PRKCQ: variants seen among roughly 807,000 people sequenced by gnomAD.
PRKCQ encodes the protein protein kinase C theta.
Under a neutral mutation model 91.2 loss-of-function variants are expected in PRKCQ, and 41 were observed. The ratio of observed to expected loss-of-function variants is 0.45; its 90% CI spans 0.35 to 0.58. The LOEUF (loss-of-function observed/expected upper bound fraction) is 0.58. Among genes scored for constraint, PRKCQ ranks in the 20% least tolerant of loss-of-function variants. PRKCQ has a pLI of 0.00. For synonymous variants in PRKCQ, 307 were observed against 316.9 expected, an observed-to-expected ratio of 0.97 and a Z score of 0.33; for missense variants, 673 against 896.5, an observed-to-expected ratio of 0.75 and a Z score of 3.18.
At chr10:6,484,188 C>T (rs556023518) in intron 10 of PRKCQ, among the ~76,000 whole-genome samples, 1 of 152,290 alleles carries the variant, frequency 6.6e-6, no homozygotes, top group Admixed American at 6.5e-5. Flanking sequence ...CCGAGGTGGG[C>T]GGATTGCCTG....
chr10:6,487,252 T>C (rs1269360660), intron 8 of PRKCQ, among the ~76,000 whole-genome samples: 2 of 152,226 alleles, frequency 1.3e-5, no homozygotes, highest in Non-Finnish European at 2.9e-5. Flanking sequence ...CATGAACTGA[T>C]GGCGTAAATT....
At chr10:6,460,238 T>A (rs1835246858) in intron 14 of PRKCQ, among the ~76,000 whole-genome samples, 1 of 151,692 alleles carries the variant, frequency 6.6e-6, no homozygotes, top group African/African-American at 2.4e-5. Flanking sequence ...ATGGGCAGGG[T>A]AAGACTCGAA....
At chr10:6,495,884 C>A (rs1398106359) in intron 7 of PRKCQ, among the ~76,000 whole-genome samples, 2 of 152,016 alleles carry the variant, frequency 1.3e-5, no homozygotes, top group African/African-American at 4.8e-5. Flanking sequence ...CACTAGAAGC[C>A]CAGACTTCCC....
At chr10:6,421,346 ATGG>A in the PRKCQ span, among the ~76,000 whole-genome samples, 24 of 152,166 alleles carry the variant, frequency 1.6e-4, no homozygotes, top group Non-Finnish European at 2.9e-4. The surrounding 1 kb of genome is among the most constrained non-coding windows in gnomAD (Gnocchi z 4.1). Flanking sequence ...TTAATCAGGC[ATGG>A]TGGTGCACAT....
At chr10:6,546,098 G>A (rs1438870139) in intron 1 of PRKCQ, among the ~76,000 whole-genome samples, 1 of 152,184 alleles carries the variant, frequency 6.6e-6, no homozygotes, top group African/African-American at 2.4e-5. Flanking sequence ...TGAATTGTCC[G>A]AGGACCTACA....
chr10:6,527,291 C>T (rs893036231), intron 1 of PRKCQ, among the ~76,000 whole-genome samples: 2 of 152,084 alleles, frequency 1.3e-5, no homozygotes, highest in Non-Finnish European at 2.9e-5. Flanking sequence ...AATCATGGGA[C>T]TAGATATTTG....
Position 6,576,860 on chromosome 10 carries a change from C to A in PRKCQ, c.-10+3351G>T, listed in dbSNP as rs7095794. On this transcript the variant is annotated intron_variant, in intron 1 of 17. Transcript: ENST00000263125. This position sits in a 1 kb window ranked among gnomAD's most constrained non-coding sequence, Gnocchi z 4.2. ...ATAAGACCTGGACAAGGGGCTCTAC[C>A]CCTTGAGCCTCAGTTTCCTCATCTG... Among the ~76,000 whole-genome samples the A allele has an allele frequency of 6.6e-6, 1 of 151,768 alleles. No individual in the cohort carries two copies. The highest frequency in any genetic ancestry group is 2.4e-5 in the African/African-American group (1 of 41,212).
intron 1 of PRKCQ, among the ~76,000 whole-genome samples, chr10:6,525,405 C>T (rs1839164239): frequency 6.6e-6 from 1 of 152,118 alleles, no homozygotes; most frequent in Admixed American, 6.5e-5. Flanking sequence ...TGGCTAAACC[C>T]TGCCTCTACT....
chr10:6,558,667 T>C (rs988002963), intron 1 of PRKCQ, among the ~76,000 whole-genome samples: 1 of 152,228 alleles, frequency 6.6e-6, no homozygotes, highest in African/African-American at 2.4e-5. Context: ...CACAGCATGC[T>C]GGAATATCGT....
chr10:6,441,297 T>G (rs1833959446), intron 16 of PRKCQ, among the ~76,000 whole-genome samples: 1 of 152,112 alleles, frequency 6.6e-6, no homozygotes, highest in South Asian at 2.1e-4. Context: ...CGTGTGCCAC[T>G]ATGCCTGGCT....
Position 6,497,106 on chromosome 10 carries a change from T to C in PRKCQ, c.589A>G (p.Ile197Val), listed in dbSNP as rs1837664401. The C allele has an allele frequency of 3.1e-6, 5 of 1,614,042 alleles. No homozygotes were observed. Among genetic ancestry groups the C allele is most frequent in the South Asian group, 1.1e-5 (1 of 91,066 alleles). Residue 197 changes from isoleucine (I) to valine (V), a missense_variant, in exon 7 of 18, where the codon ATT becomes GTT. Physicochemically the swap from Ile to Val is conservative, Grantham distance 29. Transcript: ENST00000263125. The surrounding 1 kb of genome is among the most constrained non-coding windows in gnomAD (Gnocchi z 4.5). ...ACTTTATCAATACACTTCTTGTGAA[T>C]TGCTGCATTGCATTCTGAAAAGAAG... Reference protein sequence around the residue: ...GYQCRQCNAAIHKKCIDKVIA... With the variant: ...GYQCRQCNAAVHKKCIDKVIA...
At chr10:6,564,060 G>C (rs1840739507) in intron 1 of PRKCQ, among the ~76,000 whole-genome samples, 3 of 152,146 alleles carry the variant, frequency 2.0e-5, no homozygotes, top group Admixed American at 6.5e-5. Context: ...GAGGCTTCTG[G>C]GGAGCTACGA....
At chr10:6,537,227 T>C (rs1037041382) in intron 1 of PRKCQ, among the ~76,000 whole-genome samples, 4 of 152,212 alleles carry the variant, frequency 2.6e-5, no homozygotes, top group Non-Finnish European at 5.9e-5. Flanking sequence ...TTTCATCTTG[T>C]TCTAAAAGGA....
In PRKCQ at chr10:6,486,006, G is replaced by A. The variant is rs534621588; in HGVS notation, c.900+29C>T. The A allele has an allele frequency of 2.0e-4, 314 of 1,579,562 alleles. 1 individual carries two copies. In the South Asian group the frequency reaches 2.8e-3, roughly 14 times the overall value. On this transcript the variant is annotated intron_variant, in intron 9 of 17. Transcript: ENST00000263125. Reference sequence around the variant, plus strand: ...GACATCCTTGCTGAGCGGCCATGGCGGGAACGTGTCCACGGCACATGCTCC... The same window carrying A: ...GACATCCTTGCTGAGCGGCCATGGCAGGAACGTGTCCACGGCACATGCTCC...
At chr10:6,512,686 C>G (rs556004470) in intron 2 of PRKCQ, among the ~76,000 whole-genome samples, 100 of 152,260 alleles carry the variant, frequency 6.6e-4, no homozygotes, top group African/African-American at 2.3e-3. Context: ...CTTTCGAGGG[C>G]CCCTTCTGTC....
rs767965747 is a variant in PRKCQ, at chr10:6,442,100, G to A, written c.1648-19C>T. On this transcript the variant is annotated intron_variant, in intron 15 of 17. Transcript: ENST00000263125. ...GCAAGATCTGCACAACCAAAAGGCA[G>A]ACAGGAAATTAACAGGAATGAGGCT... The A allele has an allele frequency of 2.5e-6, 4 of 1,602,242 alleles. No homozygotes were observed. The South Asian group carries it at 4.4e-5, about 18-fold the overall frequency.
the PRKCQ span, among the ~76,000 whole-genome samples, chr10:6,408,758 T>G: frequency 6.6e-6 from 1 of 152,254 alleles, no homozygotes; most frequent in Non-Finnish European, 1.5e-5. Context: ...GTTTATTAAC[T>G]CATTGGAAGA....
chr10:6,545,368 T>C (rs1173917022), intron 1 of PRKCQ, among the ~76,000 whole-genome samples: 1 of 152,184 alleles, frequency 6.6e-6, no homozygotes, highest in Non-Finnish European at 1.5e-5. Context: ...GAAGAGGCAA[T>C]GGAGGCTTTC....
chr10:6,474,209 A>G (rs1836145671), intron 12 of PRKCQ, among the ~76,000 whole-genome samples: 1 of 152,244 alleles, frequency 6.6e-6, no homozygotes, highest in African/African-American at 2.4e-5. Context: ...AAGGGCAGTG[A>G]TGTGAATCCA....
Sources: allele counts gnomAD v4.1 joint callset (sites outside exome capture counted in the v4.1 genomes callset), GRCh38; gene constraint gnomAD v4.1.1; non-coding constraint Gnocchi (gnomAD v3.1); transcripts MANE v1.5; gene names NCBI Gene and HGNC (gene_info 2026-07-23, HGNC 2026-07-21).